Variants in CWC27 observed in about 807,000 individuals in gnomAD.
CWC27 encodes the protein CWC27 spliceosome associated cyclophilin.
A neutral mutation model predicts 63.6 loss-of-function variants in CWC27; 47 were observed. The observed-to-expected ratio is 0.74, with a 90% CI of 0.58 to 0.94. The LOEUF is 0.94. Ranked by LOEUF, CWC27 falls within the 40% of genes least tolerant of loss-of-function variation. The pLI is 0.00. For missense variants in CWC27, 495 were observed against 554.3 expected (o/e 0.89, Z 1.07); for synonymous variants, 175 against 179.8 (o/e 0.97, Z 0.22).
Position 64,912,360 on chromosome 5 carries a change from A to C in CWC27, c.1042+26814A>C, listed in dbSNP as rs557035553. On this transcript the variant is annotated intron_variant, in intron 11 of 13. Transcript: ENST00000381070. ...AAAACCCAGCAGAAACAACAAATAG[A>C]AAGAGTCCTAAAGGGACTCCAGATA... Among the ~76,000 whole-genome samples the C allele has an allele frequency of 6.6e-5, 10 of 152,310 alleles. 1 individual carries two copies. In the South Asian group the frequency reaches 2.1e-3, roughly 32 times the overall value.
intron 11 of CWC27, among the ~76,000 whole-genome samples, chr5:64,940,482 T>A (rs1484677997): frequency 6.6e-6 from 1 of 152,128 alleles, no homozygotes; most frequent in Non-Finnish European, 1.5e-5. Context: ...ACCAGTTACC[T>A]CAGTTGGAAA....
chr5:65,003,606 A>G (rs1749772198), intron 13 of CWC27, among the ~76,000 whole-genome samples: 2 of 152,084 alleles, frequency 1.3e-5, no homozygotes, highest in Admixed American at 6.6e-5. Context: ...AAATCCCTCA[A>G]TTTTTGTTTG....
At chr5:64,964,045 C>T (rs561090198) in intron 11 of CWC27, among the ~76,000 whole-genome samples, 63 of 152,308 alleles carry the variant, frequency 4.1e-4, no homozygotes, top group Admixed American at 3.2e-3. Context: ...ACATTATAAA[C>T]CTATTAGTGG....
intron 11 of CWC27, among the ~76,000 whole-genome samples, chr5:64,916,050 A>G (rs1470770490): frequency 1.3e-5 from 2 of 152,236 alleles, no homozygotes; most frequent in Admixed American, 6.5e-5. Context: ...AGCAAAGCTC[A>G]AGTACCATTT....
At chr5:64,769,588 C>G (rs1743167185) in intron 1 of CWC27, among the ~76,000 whole-genome samples, 2 of 152,034 alleles carry the variant, frequency 1.3e-5, no homozygotes, top group Non-Finnish European at 2.9e-5. Flanking sequence ...TACTAGGCGC[C>G]GGAGATACAA....
chr5:64,906,573 C>G (rs1047189595), intron 11 of CWC27, among the ~76,000 whole-genome samples: 6 of 152,080 alleles, frequency 3.9e-5, no homozygotes, highest in African/African-American at 1.4e-4. Context: ...GATATTAGCC[C>G]TTTGTCAAAT....
chr5:64,867,470 T>C (rs889269526), intron 10 of CWC27, among the ~76,000 whole-genome samples: 3 of 152,114 alleles, frequency 2.0e-5, no homozygotes, highest in African/African-American at 7.2e-5. Flanking sequence ...AAGCCGTCAG[T>C]GCTTCTTTGT....
At chr5:64,979,267 A>G (rs1170636547) in intron 13 of CWC27, among the ~76,000 whole-genome samples, 5 of 152,242 alleles carry the variant, frequency 3.3e-5, no homozygotes, top group Non-Finnish European at 7.3e-5. Context: ...GCAGGTCTTC[A>G]GGGCGTTCAT....
rs567605870 is a variant in CWC27, at chr5:64,871,016, G to T, written c.939-14427G>T. On this transcript the variant is annotated intron_variant, in intron 10 of 13. Transcript: ENST00000381070. ...CTGAGTGGAAGGGTACACACATTTA[G>T]CAATGATACATTTTGCCAGTGCTTG... 3.9e-5 allele frequency among the ~76,000 whole-genome samples: 6 copies of T among 152,076 alleles called. No individual in the cohort carries two copies. The South Asian group carries it at 1.2e-3, about 32-fold the overall frequency.
At chr5:64,781,420 G>A (rs1006721368) in intron 2 of CWC27, among the ~76,000 whole-genome samples, 8 of 152,110 alleles carry the variant, frequency 5.3e-5, no homozygotes, top group Admixed American at 4.6e-4. Context: ...AGGAAGCAGT[G>A]GGAAATAAGG....
chr5:64,798,954 G>A (rs1018943408), intron 7 of CWC27, among the ~76,000 whole-genome samples: 5 of 152,208 alleles, frequency 3.3e-5, no homozygotes, highest in African/African-American at 9.6e-5. Flanking sequence ...GATACAGGGT[G>A]TAAGTTTGAG....
At chr5:64,914,148 A>C (rs1747843962) in intron 11 of CWC27, among the ~76,000 whole-genome samples, 1 of 152,174 alleles carries the variant, frequency 6.6e-6, no homozygotes, top group African/African-American at 2.4e-5. Context: ...CTCACACCAG[A>C]CATAAAAACT....
intron 10 of CWC27, among the ~76,000 whole-genome samples, chr5:64,882,102 T>C (rs367670699): frequency 9.2e-5 from 14 of 152,302 alleles, no homozygotes; most frequent in African/African-American, 3.1e-4. Context: ...GAAATAATTG[T>C]ACTTACCTGA....
At chr5:64,894,641 C>T (rs979820349) in intron 11 of CWC27, among the ~76,000 whole-genome samples, 9 of 152,166 alleles carry the variant, frequency 5.9e-5, no homozygotes, top group East Asian at 5.8e-4. Context: ...CTAAAAACAA[C>T]GAAAAATGTT....
chr5:64,976,883 C>T (rs1749236997), intron 12 of CWC27, among the ~76,000 whole-genome samples: 1 of 152,124 alleles, frequency 6.6e-6, no homozygotes, highest in Non-Finnish European at 1.5e-5. Flanking sequence ...TGTAAGCAAA[C>T]TTTTGTTTCC....
At position 64,999,481 on chromosome 5, in the gene CWC27, T is replaced by C. The variant is rs115544691; in HGVS notation, c.1257-18678T>C. 4.5e-3 allele frequency among the ~76,000 whole-genome samples: 681 copies of C among 152,152 alleles called. 6 individuals carry two copies. Among genetic ancestry groups the C allele is most frequent in the African/African-American group, 0.016 (651 of 41,546 alleles). ...TTGTATCCATTAACCAACCTCTCTT[T>C]ATCCTCTCCACACCACCCTTCCCAG... is the stretch of plus-strand genomic sequence containing the variant. On this transcript the variant is annotated intron_variant, in intron 13 of 13. Coordinates refer to ENST00000381070, the MANE Select transcript of CWC27 (RefSeq NM_005869.4).
At chr5:64,771,057 G>A (rs142487356) in intron 1 of CWC27, among the ~76,000 whole-genome samples, 200 of 152,222 alleles carry the variant, frequency 1.3e-3, no homozygotes, top group African/African-American at 4.7e-3. Context: ...GCAAATAAAT[G>A]TTTAATTACA....
At chr5:64,897,057 A>G (rs1363812820) in intron 11 of CWC27, among the ~76,000 whole-genome samples, 2 of 152,052 alleles carry the variant, frequency 1.3e-5, no homozygotes, top group Admixed American at 6.6e-5. Context: ...ACTAAAATAC[A>G]AAAAAATTAG....
chr5:64,801,782 ATTAG>A (rs1744499215), intron 9 of CWC27, among the ~76,000 whole-genome samples: 1 of 152,170 alleles, frequency 6.6e-6, no homozygotes, highest in Non-Finnish European at 1.5e-5. Flanking sequence ...AGTGATCTTT[ATTAG>A]TTGTAGTGGC....
Sources: allele counts gnomAD v4.1 joint callset (sites outside exome capture counted in the v4.1 genomes callset), GRCh38; gene constraint gnomAD v4.1.1; transcripts MANE v1.5; gene names NCBI Gene and HGNC (gene_info 2026-07-23, HGNC 2026-07-21).